The following BMPR1B variants were observed in gnomAD, a reference collection of about 807,000 sequenced individuals.
BMPR1B encodes the protein bone morphogenetic protein receptor type-1B.
BMPR1B carries 12 observed loss-of-function variants against 59.1 expected under a neutral mutation model. That is an observed-to-expected ratio of 0.20 (90% CI 0.13 to 0.33). The LOEUF (loss-of-function observed/expected upper bound fraction) is 0.33. Ranked by LOEUF, BMPR1B falls within the 10% of genes least tolerant of loss-of-function variation. The pLI is 1.00. For synonymous variants in BMPR1B, 237 were observed against 207.3 expected (o/e 1.14, Z -1.23); for missense variants, 550 against 610.9 (o/e 0.90, Z 1.05).
At chr4:94,988,585 A>G (rs1452587778) in intron 2 of BMPR1B, among the ~76,000 whole-genome samples, 1 of 152,176 alleles carries the variant, frequency 6.6e-6, no homozygotes, top group Admixed American at 6.5e-5. Context: ...AGTTTATTCC[A>G]TGTTTACAAC....
At chr4:94,805,358 A>C (rs1008719695) in intron 1 of BMPR1B, among the ~76,000 whole-genome samples, 7 of 152,200 alleles carry the variant, frequency 4.6e-5, no homozygotes, top group African/African-American at 1.7e-4. Flanking sequence ...CCAAATGCTC[A>C]TTTTAGATGT....
chr4:94,887,758 C>G (rs1219886185), intron 2 of BMPR1B, among the ~76,000 whole-genome samples: 2 of 151,874 alleles, frequency 1.3e-5, no homozygotes, highest in African/African-American at 4.8e-5. Context: ...AAATGGAAGA[C>G]TGGCAATAAA....
intron 1 of BMPR1B, among the ~76,000 whole-genome samples, chr4:94,780,990 T>C (rs1033926020): frequency 1.3e-5 from 2 of 152,070 alleles, no homozygotes; most frequent in African/African-American, 4.8e-5. Flanking sequence ...AGCCGGCCTA[T>C]TATCTGTCTT....
chr4:94,960,469 G>A (rs1296445976), intron 2 of BMPR1B, among the ~76,000 whole-genome samples: 1 of 152,084 alleles, frequency 6.6e-6, no homozygotes, highest in East Asian at 1.9e-4. Context: ...TGATAGTAAT[G>A]TTAGAGCGTA....
chr4:95,135,456 A>G (rs1285568454), intron 10 of BMPR1B, among the ~76,000 whole-genome samples: 1 of 152,096 alleles, frequency 6.6e-6, no homozygotes, highest in Non-Finnish European at 1.5e-5. Flanking sequence ...CTTGGGCAGT[A>G]TGGCCATTTT....
intron 3 of BMPR1B, among the ~76,000 whole-genome samples, chr4:95,002,734 C>G (rs1206687229): frequency 2.6e-5 from 4 of 152,092 alleles, no homozygotes; most frequent in Non-Finnish European, 4.4e-5. Context: ...CTGGTTATCC[C>G]TTTGTGATAA....
chr4:94,834,205 G>A (rs898901641), intron 1 of BMPR1B, among the ~76,000 whole-genome samples: 1 of 152,158 alleles, frequency 6.6e-6, no homozygotes, highest in Non-Finnish European at 1.5e-5. Context: ...GTATCAGCAG[G>A]TGATCATCCT....
rs560870130 is a variant in BMPR1B, at chr4:95,129,755, G to A, written c.586-107G>A. 8.3e-6 allele frequency: 9 copies of A among 1,086,090 alleles called. No homozygotes were observed. The Admixed American group carries it at 1.0e-4, about 13-fold the overall frequency. The allele number at this position is 1,086,090 out of a possible 1,614,324, so 67.3% of individuals were successfully genotyped here. On this transcript the variant is annotated intron_variant, in intron 8 of 12. Coordinates refer to ENST00000515059, the MANE Select transcript of BMPR1B (RefSeq NM_001203.3). ...GTTGTCTATATAGAGAAAAATACTA[G>A]CTAAATATATTTTACATGCAGTAAT...
At chr4:94,950,549 C>T (rs1245846147) in intron 2 of BMPR1B, among the ~76,000 whole-genome samples, 1 of 152,126 alleles carries the variant, frequency 6.6e-6, no homozygotes, top group Non-Finnish European at 1.5e-5. Flanking sequence ...AATAGGGAAT[C>T]CTTTCCCCAT....
At chr4:95,130,253 A>T (rs1450552629) in intron 9 of BMPR1B, among the ~76,000 whole-genome samples, 199 bp downstream of exon 9, 1 of 152,182 alleles carries the variant, frequency 6.6e-6, no homozygotes, top group African/African-American at 2.4e-5. Flanking sequence ...TCTGTGAGTA[A>T]GTGGTAGGCT....
intron 3 of BMPR1B, among the ~76,000 whole-genome samples, chr4:95,010,600 G>T (rs562708237): frequency 2.6e-5 from 4 of 152,264 alleles, no homozygotes; most frequent in African/African-American, 7.2e-5. Context: ...AAATTGCTTG[G>T]CCGTATGAAA....
At chr4:94,936,375 T>C (rs2149039246) in intron 2 of BMPR1B, among the ~76,000 whole-genome samples, 1 of 152,226 alleles carries the variant, frequency 6.6e-6, no homozygotes, top group South Asian at 2.1e-4. Flanking sequence ...AGTGGCCAAA[T>C]AGGATGAGTG....
At chr4:95,027,889 G>A (rs1724534579) in intron 3 of BMPR1B, among the ~76,000 whole-genome samples, 1 of 152,130 alleles carries the variant, frequency 6.6e-6, no homozygotes, top group South Asian at 2.1e-4. Context: ...AGATCACCTT[G>A]TAGAGGTAAG....
In BMPR1B at chr4:94,770,180, G is replaced by GTTT. The variant is rs1553903537; in HGVS notation, c.-183+12113_-183+12114insTTT. On this transcript the variant is annotated intron_variant, in intron 1 of 12. Transcript: ENST00000515059. ...TTTGTTTGAATTGTCCTTCGTTTCT[G>GTTT]TGTTTGTTTTTTTTTTTTTTTTTTG... Among the ~76,000 whole-genome samples, 33 of 106,244 alleles carry GTTT rather than the reference G, an allele frequency of 3.1e-4. 2 individuals carry two copies. The highest frequency in any genetic ancestry group is 4.2e-3 in the Middle Eastern group (1 of 236). 69.7% of individuals were successfully genotyped at this position (106,244 alleles called of 152,430 possible).
chr4:95,143,292 T>C (rs1468147542), intron 10 of BMPR1B, among the ~76,000 whole-genome samples: 1 of 152,242 alleles, frequency 6.6e-6, no homozygotes, highest in Non-Finnish European at 1.5e-5. Flanking sequence ...ACTTTTATTG[T>C]CACCATGTGC....
intron 2 of BMPR1B, among the ~76,000 whole-genome samples, chr4:94,882,637 A>G (rs1051162559): frequency 1.3e-5 from 2 of 152,230 alleles, no homozygotes; most frequent in African/African-American, 4.8e-5. Context: ...AGGTTAATCC[A>G]GCTAGAATTG....
At chr4:94,799,752 G>A (rs1461376262) in intron 1 of BMPR1B, among the ~76,000 whole-genome samples, 6 of 151,704 alleles carry the variant, frequency 4.0e-5, no homozygotes, top group Non-Finnish European at 8.8e-5. Context: ...GTGCAGTGGC[G>A]CAATTTCGGC....
rs537431780 is a variant in BMPR1B, at chr4:95,006,363, C to T, written c.-18+10229C>T. Reference sequence around the variant, plus strand: ...TACGAGACCAGCCTGGGCAACAGGGCGAGACTCCATCTCAAAAAAAAAAAA... The same window carrying T: ...TACGAGACCAGCCTGGGCAACAGGGTGAGACTCCATCTCAAAAAAAAAAAA... On this transcript the variant is annotated intron_variant, in intron 3 of 12. Transcript: ENST00000515059. Among the ~76,000 whole-genome samples the T allele has an allele frequency of 2.5e-3, 341 of 135,116 alleles. 1 individual carries two copies. The highest frequency in any genetic ancestry group is 8.4e-3 in the Admixed American group (103 of 12,292). 88.6% of individuals were successfully genotyped at this position (135,116 alleles called of 152,430 possible). A position where few individuals can be genotyped will look rare whatever the true frequency, so the allele number is the denominator to read the frequency against.
intron 1 of BMPR1B, among the ~76,000 whole-genome samples, chr4:94,827,128 C>T (rs1382652850): frequency 6.6e-6 from 1 of 152,062 alleles, no homozygotes; most frequent in African/African-American, 2.4e-5. Context: ...CCCTTTTCCT[C>T]ATTCCTCATC....
Sources: gnomAD v4.1 joint callset for allele counts (sites outside exome capture counted in the v4.1 genomes callset) on GRCh38, gnomAD v4.1.1 for gene constraint, MANE v1.5 for transcripts, NCBI Gene and HGNC (gene_info 2026-07-23, HGNC 2026-07-21) for gene names.